Variants in TMC7 observed in about 807,000 individuals in gnomAD.
TMC7 encodes the protein transmembrane channel like 7.
TMC7 carries 54 observed loss-of-function variants against 82.9 expected under a neutral mutation model. The ratio of observed to expected loss-of-function variants is 0.65; its 90% CI spans 0.52 to 0.82. The LOEUF (loss-of-function observed/expected upper bound fraction) is 0.82. TMC7 is among the 40% of genes least tolerant of loss of function. The pLI is 0.00. For synonymous variants in TMC7, 350 were observed against 337.9 expected (o/e 1.04, Z -0.39); for missense variants, 820 against 901.2 (o/e 0.91, Z 1.15).
intron 3 of TMC7, among the ~76,000 whole-genome samples, chr16:19,019,970 A>G (rs1959885578): frequency 6.6e-6 from 1 of 152,206 alleles, no homozygotes; most frequent in Non-Finnish European, 1.5e-5. Flanking sequence ...CCTACCAAGA[A>G]CAAGAAGCCA....
chr16:19,019,037 A>G (rs146961022), intron 3 of TMC7, among the ~76,000 whole-genome samples: 465 of 152,236 alleles, frequency 3.1e-3, no homozygotes, highest in African/African-American at 0.011. Context: ...TTTAGTAGAG[A>G]CAGGGTTTCA....
Position 18,984,043 on chromosome 16 carries a change from T to C in TMC7, c.-21T>C. The stretch of plus-strand genomic sequence containing the variant: ...GCTGGAGAGGGTCCTCGGCAGCCTC[T>C]GAGGAGCGCGGGGCGCGGCCATGAG... On this transcript the variant is annotated 5_prime_UTR_variant, in exon 1 of 16. Transcript: ENST00000304381. 2 of 1,469,550 alleles carry C rather than the reference T, an allele frequency of 1.4e-6. No individual in the cohort carries two copies. The highest frequency in any genetic ancestry group is 1.3e-5 in the South Asian group (1 of 76,236). 91.0% of individuals were successfully genotyped at this position (1,469,550 alleles called of 1,614,324 possible).
intron 5 of TMC7, among the ~76,000 whole-genome samples, chr16:19,026,492 A>G (rs1960235411): frequency 6.6e-6 from 1 of 151,310 alleles, no homozygotes; most frequent in Non-Finnish European, 1.5e-5. Context: ...AAAAAAAAAG[A>G]AAGCAAAGTT....
Position 19,023,622 on chromosome 16 carries a change from T to C in TMC7, c.711+427T>C, listed in dbSNP as rs185591781. On this transcript the variant is annotated intron_variant, in intron 5 of 15. Transcript: ENST00000304381. ...CCACCACGCCCAGCTAATTTTTGTA[T>C]TTTTAGTAGAGACGGAGTTTCACCA... Among the ~76,000 whole-genome samples the C allele has an allele frequency of 2.0e-5, 3 of 152,256 alleles. No homozygotes were observed. The East Asian group carries it at 5.8e-4, about 29-fold the overall frequency.
chr16:19,020,708 A>T (rs1959925519), intron 3 of TMC7, among the ~76,000 whole-genome samples: 1 of 151,526 alleles, frequency 6.6e-6, no homozygotes, highest in Non-Finnish European at 1.5e-5. Flanking sequence ...TCTGTACTAA[A>T]AACATAAAAA....
intron 1 of TMC7, among the ~76,000 whole-genome samples, chr16:19,005,166 A>G (rs1307778372): frequency 6.6e-6 from 1 of 151,776 alleles, no homozygotes; most frequent in Non-Finnish European, 1.5e-5. Flanking sequence ...TTGGCTCACC[A>G]CAAGCTCTGC....
chr16:19,004,590 C>A (rs1315858293), intron 1 of TMC7, among the ~76,000 whole-genome samples: 1 of 152,140 alleles, frequency 6.6e-6, no homozygotes, highest in East Asian at 1.9e-4. Flanking sequence ...GTCTTGAACT[C>A]ATGACCTCAA....
intron 12 of TMC7, among the ~76,000 whole-genome samples, chr16:19,051,468 G>A (rs1451459586): frequency 7.1e-6 from 1 of 141,724 alleles, no homozygotes; most frequent in South Asian, 2.2e-4. Context: ...TGTTCTCATT[G>A]TTCAATTCCC....
intron 14 of TMC7, 86 bp downstream of exon 14, chr16:19,056,783 C>T: frequency 3.5e-6 from 5 of 1,447,130 alleles, no homozygotes; most frequent in East Asian, 2.3e-5. Context: ...TCACCCTAGA[C>T]TTGACAAGTT....
intron 1 of TMC7, among the ~76,000 whole-genome samples, chr16:18,986,052 A>G (rs1028857416): frequency 1.3e-5 from 2 of 150,342 alleles, no homozygotes; most frequent in Non-Finnish European, 3.0e-5. Context: ...AAGAAGAGGT[A>G]TGTATCCTTC....
intron 1 of TMC7, among the ~76,000 whole-genome samples, chr16:18,987,171 T>C (rs527439259): frequency 6.6e-6 from 1 of 152,314 alleles, no homozygotes; most frequent in African/African-American, 2.4e-5. Context: ...GGCAGACCTC[T>C]GGGGCGGTCT....
At chr16:18,996,509 G>A (rs1437265028) in intron 1 of TMC7, among the ~76,000 whole-genome samples, 1 of 152,214 alleles carries the variant, frequency 6.6e-6, no homozygotes, top group African/African-American at 2.4e-5. Context: ...CTGGCCACTT[G>A]GAACTACTGT....
At chr16:19,058,585 G>A (rs999715705) in intron 14 of TMC7, among the ~76,000 whole-genome samples, 3 of 152,080 alleles carry the variant, frequency 2.0e-5, no homozygotes, top group Non-Finnish European at 4.4e-5. Flanking sequence ...TGTACAAGGC[G>A]AACATCTGCA....
At chr16:19,045,473 CCA>C (rs1481874852) in intron 11 of TMC7, 35 bp downstream of exon 11, 1 of 1,411,614 alleles carries the variant, frequency 7.1e-7, no homozygotes, top group Non-Finnish European at 1.0e-6. Context: ...ATCCCCCCCA[CCA>C]CACACATGCA....
chr16:19,012,129 C>CAAAAA (rs60078349), intron 2 of TMC7: 81 of 136,050 alleles, frequency 6.0e-4, no homozygotes, highest in Non-Finnish European at 1.1e-3. Context: ...GATGTTGTCT[C>CAAAAA]AAAAAAAAAA....
chr16:19,020,291 C>T (rs942539707), intron 3 of TMC7, among the ~76,000 whole-genome samples: 3 of 151,960 alleles, frequency 2.0e-5, no homozygotes, highest in African/African-American at 4.8e-5. Flanking sequence ...AAAAAGGTGC[C>T]GATTATCACA....
In TMC7 at chr16:19,056,716, G is replaced by C. The variant is rs780544937; in HGVS notation, c.2027+19G>C. 2 of 1,610,980 alleles carry C rather than the reference G, an allele frequency of 1.2e-6. No individual in the cohort carries two copies. The highest frequency in any genetic ancestry group is 2.2e-5 in the South Asian group (2 of 90,774). ...TTATTTGGTGAGTGAGAACCACCAG[G>C]ACCCACTGAGGCACGTGGGCTCCTC... On this transcript the variant is annotated intron_variant, in intron 14 of 15. Coordinates refer to ENST00000304381, the MANE Select transcript of TMC7 (RefSeq NM_024847.4).
chr16:18,994,404 TA>T (rs2039004808), intron 1 of TMC7, among the ~76,000 whole-genome samples: 1 of 150,850 alleles, frequency 6.6e-6, no homozygotes, highest in Admixed American at 6.6e-5. Flanking sequence ...GAATACTGAC[TA>T]TCGTGCCACT....
At chr16:18,999,868 A>G (rs1285957418) in intron 1 of TMC7, among the ~76,000 whole-genome samples, 1 of 151,916 alleles carries the variant, frequency 6.6e-6, no homozygotes, top group Non-Finnish European at 1.5e-5. Flanking sequence ...AGTTCACGCC[A>G]TTCTCCTGCC....
Sources: gnomAD v4.1 joint callset for allele counts (sites outside exome capture counted in the v4.1 genomes callset) on GRCh38, gnomAD v4.1.1 for gene constraint, MANE v1.5 for transcripts, NCBI Gene and HGNC (gene_info 2026-07-23, HGNC 2026-07-21) for gene names.